Variants in FOXP2 observed in about 807,000 individuals in gnomAD.
FOXP2 encodes the protein forkhead box protein P2.
Under a neutral mutation model 115.8 loss-of-function variants are expected in FOXP2, and 12 were observed. The observed-to-expected ratio is 0.10, with a 90% CI of 0.07 to 0.17. The LOEUF (loss-of-function observed/expected upper bound fraction) is 0.17. Ranked by LOEUF, FOXP2 falls within the 10% of genes least tolerant of loss-of-function variation. FOXP2 has a pLI of 1.00. For synonymous variants in FOXP2, 328 were observed against 297.7 expected (o/e 1.10, Z -1.05); for missense variants, 629 against 843.5 (o/e 0.75, Z 3.15).
At chr7:114,331,820 A>G (rs1178286979) in intron 2 of FOXP2, among the ~76,000 whole-genome samples, 1 of 151,488 alleles carries the variant, frequency 6.6e-6, no homozygotes, top group Non-Finnish European at 1.5e-5. Context: ...TAATTTTTGT[A>G]TTTTTACTAT....
At chr7:114,163,801 G>T (rs992475385) in intron 1 of FOXP2, among the ~76,000 whole-genome samples, 1 of 152,148 alleles carries the variant, frequency 6.6e-6, no homozygotes, top group African/African-American at 2.4e-5. Flanking sequence ...TATCTGGAAT[G>T]TTACCTAGGG....
intron 2 of FOXP2, among the ~76,000 whole-genome samples, chr7:114,523,772 G>T (rs1161779386): frequency 6.6e-6 from 1 of 152,038 alleles, no homozygotes; most frequent in Non-Finnish European, 1.5e-5. Context: ...ATAACCTCGT[G>T]AGCGTTCCTT....
chr7:114,257,718 G>C (rs1795657176), intron 1 of FOXP2, among the ~76,000 whole-genome samples: 1 of 152,074 alleles, frequency 6.6e-6, no homozygotes, highest in Non-Finnish European at 1.5e-5. Context: ...CTCCCAAAGT[G>C]CTTGGATTAC....
intron 2 of FOXP2, among the ~76,000 whole-genome samples, chr7:114,386,763 C>G (rs1792465434): frequency 6.6e-6 from 1 of 152,186 alleles, no homozygotes; most frequent in Admixed American, 6.5e-5. Flanking sequence ...TCAGGGATTT[C>G]AGGCTATTTC....
At chr7:114,379,155 C>T (rs1255970135) in intron 2 of FOXP2, among the ~76,000 whole-genome samples, 2 of 152,036 alleles carry the variant, frequency 1.3e-5, no homozygotes, top group East Asian at 3.9e-4. Flanking sequence ...GGAGGGGACC[C>T]AAAGGGGGTT....
chr7:114,137,279 A>G (rs1311659147), intron 1 of FOXP2, among the ~76,000 whole-genome samples: 2 of 152,158 alleles, frequency 1.3e-5, no homozygotes, highest in African/African-American at 4.8e-5. Flanking sequence ...TCATTATTGT[A>G]AAGTGTGTCT....
At chr7:114,465,580 C>T (rs953263315) in intron 2 of FOXP2, among the ~76,000 whole-genome samples, 1 of 152,114 alleles carries the variant, frequency 6.6e-6, no homozygotes, top group East Asian at 1.9e-4. Flanking sequence ...GGTTAGTAAA[C>T]CACCTATTAA....
intron 2 of FOXP2, among the ~76,000 whole-genome samples, chr7:114,513,808 T>C (rs1798191409): frequency 6.6e-6 from 1 of 152,128 alleles, no homozygotes; most frequent in Non-Finnish European, 1.5e-5. Flanking sequence ...AATTTTCTAA[T>C]TTAAGTGTTC....
intron 2 of FOXP2, among the ~76,000 whole-genome samples, chr7:114,504,409 C>A (rs898591493): frequency 3.3e-5 from 5 of 151,594 alleles, no homozygotes; most frequent in Non-Finnish European, 7.4e-5. Flanking sequence ...ATACTCCCAG[C>A]AACATTTGTA....
At chr7:114,154,520 T>A (rs1354042240) in intron 1 of FOXP2, among the ~76,000 whole-genome samples, 1 of 152,062 alleles carries the variant, frequency 6.6e-6, no homozygotes, top group African/African-American at 2.4e-5. Context: ...AGATTATTAG[T>A]TTTATAGTTT....
chr7:114,426,604 C>T lies in FOXP2; in HGVS notation c.93C>T (p.Ser31=). The T allele has an allele frequency of 1.2e-6, 2 of 1,611,684 alleles. No homozygotes were observed. Among genetic ancestry groups the T allele is most frequent in the South Asian group, 2.2e-5 (2 of 91,040 alleles). The change falls in exon 2 of 17, where the codon AGC becomes AGT. Residue 31 remains serine, a synonymous_variant. Transcript: ENST00000350908. ...TAAGCAGCCAATTAGATGCTGGCAG[C>T]AGAGATGGAAGATCAAGTGGTGACA... The part of the protein sequence containing the change: ...STLSSQLDAG[S]RDGRSSGDTS...
chr7:114,390,990 C>T (rs1181279978), intron 2 of FOXP2, among the ~76,000 whole-genome samples: 1 of 152,094 alleles, frequency 6.6e-6, no homozygotes, highest in Non-Finnish European at 1.5e-5. Flanking sequence ...AGTTGGAGAT[C>T]AGCCTGGCCA....
At chr7:114,238,434 G>A (rs926892036) in intron 1 of FOXP2, among the ~76,000 whole-genome samples, 1 of 152,158 alleles carries the variant, frequency 6.6e-6, no homozygotes, top group Non-Finnish European at 1.5e-5. Context: ...ATCTTTGGCT[G>A]TAATTAGGAT....
At chr7:114,589,921 C>T (rs995391711) in intron 3 of FOXP2, among the ~76,000 whole-genome samples, 2 of 151,554 alleles carry the variant, frequency 1.3e-5, no homozygotes, top group Non-Finnish European at 3.0e-5. Context: ...TTGTTTTTTT[C>T]CAGCATTAGT....
At chr7:114,092,950 C>T (rs905559495) in intron 1 of FOXP2, among the ~76,000 whole-genome samples, 1 of 152,064 alleles carries the variant, frequency 6.6e-6, no homozygotes, top group East Asian at 1.9e-4. Flanking sequence ...GCCAGATACA[C>T]CATCATCTCC....
chr7:114,481,724 T>G (rs1279971537), intron 2 of FOXP2, among the ~76,000 whole-genome samples: 2 of 151,272 alleles, frequency 1.3e-5, no homozygotes, highest in Non-Finnish European at 3.0e-5. Flanking sequence ...AAGTAAATGT[T>G]ACTATTACTG....
At chr7:114,624,821 A>G (rs1804452603) in intron 3 of FOXP2, among the ~76,000 whole-genome samples, 1 of 151,560 alleles carries the variant, frequency 6.6e-6, no homozygotes, top group African/African-American at 2.4e-5. Flanking sequence ...TGTGATGGTT[A>G]TATTTATGTC....
chr7:114,481,564 A>T (rs1031464439), intron 2 of FOXP2, among the ~76,000 whole-genome samples: 51 of 151,424 alleles, frequency 3.4e-4, no homozygotes, highest in South Asian at 6.2e-4. Context: ...GTTCCTAAAT[A>T]GTTCTTTTCT....
At chr7:114,578,233 C>T (rs923599558) in intron 3 of FOXP2, among the ~76,000 whole-genome samples, 2 of 151,794 alleles carry the variant, frequency 1.3e-5, no homozygotes, top group East Asian at 1.9e-4. Context: ...ATACTTTTTG[C>T]GTATCTACTC....
Sources: allele counts gnomAD v4.1 joint callset (sites outside exome capture counted in the v4.1 genomes callset), GRCh38; gene constraint gnomAD v4.1.1; transcripts MANE v1.5; gene names NCBI Gene and HGNC (gene_info 2026-07-23, HGNC 2026-07-21).